Variants in SPOCK3 observed in about 807,000 individuals in gnomAD.
The protein encoded by SPOCK3 is testican-3.
In SPOCK3, 30 loss-of-function variants were observed where a neutral mutation model predicts 56.6. That is an observed-to-expected ratio of 0.53 (90% CI 0.40 to 0.72). The LOEUF (loss-of-function observed/expected upper bound fraction) is 0.72. SPOCK3 is among the 30% of genes least tolerant of loss of function. The pLI is 0.00. For synonymous variants in SPOCK3, 196 were observed against 183.3 expected (o/e 1.07, Z -0.56); for missense variants, 527 against 530.0 (o/e 0.99, Z 0.06).
intron 6 of SPOCK3, among the ~76,000 whole-genome samples, chr4:166,852,311 A>G (rs1730209701): frequency 6.6e-6 from 1 of 152,032 alleles, no homozygotes; most frequent in Non-Finnish European, 1.5e-5. Flanking sequence ...AATAATAATA[A>G]TAATTAAAAA....
chr4:166,947,918 T>C (rs1003331654), intron 4 of SPOCK3, among the ~76,000 whole-genome samples: 3 of 152,192 alleles, frequency 2.0e-5, no homozygotes, highest in African/African-American at 7.2e-5. Context: ...ATATACATTA[T>C]TGTTAACTGT....
chr4:166,925,021 G>T (rs1188853211), intron 4 of SPOCK3, among the ~76,000 whole-genome samples: 1 of 152,104 alleles, frequency 6.6e-6, no homozygotes, highest in Non-Finnish European at 1.5e-5. Flanking sequence ...ATATAACTTT[G>T]TAGTAATCTT....
chr4:167,207,478 G>A (rs1013811867), intron 2 of SPOCK3, among the ~76,000 whole-genome samples: 1 of 152,070 alleles, frequency 6.6e-6, no homozygotes, highest in Non-Finnish European at 1.5e-5. Flanking sequence ...TGTATTTGGT[G>A]TAAAATCACT....
intron 6 of SPOCK3, among the ~76,000 whole-genome samples, chr4:166,835,029 A>G (rs1315422695): frequency 6.6e-6 from 1 of 152,022 alleles, no homozygotes. Context: ...AAAAATCTGA[A>G]TTTGCAAAGT....
chr4:167,128,164 T>A (rs892091723), intron 2 of SPOCK3, among the ~76,000 whole-genome samples: 1 of 152,160 alleles, frequency 6.6e-6, no homozygotes, highest in African/African-American at 2.4e-5. Flanking sequence ...TAGATAGACC[T>A]TCTCACTTTT....
chr4:166,894,788 C>T (rs548306928), intron 5 of SPOCK3, among the ~76,000 whole-genome samples: 1 of 152,246 alleles, frequency 6.6e-6, no homozygotes, highest in African/African-American at 2.4e-5. Context: ...GTACTATATC[C>T]TCTGGACCAG....
intron 8 of SPOCK3, among the ~76,000 whole-genome samples, chr4:166,743,527 G>C (rs891984004): frequency 6.6e-6 from 1 of 152,118 alleles, no homozygotes; most frequent in African/African-American, 2.4e-5. Flanking sequence ...CCAGTCTATA[G>C]CTCCTAGTGT....
At chr4:167,180,774 T>C (rs1441626749) in intron 2 of SPOCK3, among the ~76,000 whole-genome samples, 1 of 152,130 alleles carries the variant, frequency 6.6e-6, no homozygotes, top group East Asian at 1.9e-4. Context: ...CAGGAAGACA[T>C]GGCCAAACAT....
chr4:167,152,072 T>C (rs1764471604), intron 2 of SPOCK3, among the ~76,000 whole-genome samples: 2 of 152,154 alleles, frequency 1.3e-5, no homozygotes, highest in South Asian at 4.1e-4. Context: ...GGCAAATTAA[T>C]AAAGAGAAAC....
Position 166,735,031 on chromosome 4 carries a change from C to T in SPOCK3, c.1192G>A (p.Asp398Asn). The part of the protein sequence containing the change: ...ASGDFHEWTD[D>N]EDDEDDIMND... ...ATAATATCGTCTTCATCATCCTCAT[C>T]ATCAGTCCATTCATGAAAATCGCCA... Residue 398 changes from aspartate to asparagine, a missense_variant, in exon 11 of 11, where the codon GAT becomes AAT. By Grantham distance (23) the Asp-to-Asn change is conservative (BLOSUM62 1). Transcript: ENST00000357545. The T allele has an allele frequency of 1.3e-6, 2 of 1,589,608 alleles. No homozygotes were observed. The highest frequency in any genetic ancestry group is 1.1e-5 in the South Asian group (1 of 90,122).
At chr4:166,976,921 TC>T (rs1746012863) in intron 4 of SPOCK3, among the ~76,000 whole-genome samples, 1 of 151,672 alleles carries the variant, frequency 6.6e-6, no homozygotes, top group Admixed American at 6.6e-5. Context: ...ACCATTTGAT[TC>T]TTTTTAATAA....
At chr4:166,884,097 G>A (rs1372732851) in intron 6 of SPOCK3, among the ~76,000 whole-genome samples, 1 of 152,258 alleles carries the variant, frequency 6.6e-6, no homozygotes, top group Middle Eastern at 3.4e-3. Context: ...ATGGCTAGTA[G>A]CTATGAAAGA....
At chr4:167,139,264 T>C (rs974530573) in intron 2 of SPOCK3, among the ~76,000 whole-genome samples, 1 of 152,006 alleles carries the variant, frequency 6.6e-6, no homozygotes. Flanking sequence ...CAGAAGGCAC[T>C]TAGAAAATAA....
At chr4:166,845,205 A>G (rs1747932791) in intron 6 of SPOCK3, among the ~76,000 whole-genome samples, 1 of 152,230 alleles carries the variant, frequency 6.6e-6, no homozygotes, top group Non-Finnish European at 1.5e-5. Flanking sequence ...ACAAGAAATC[A>G]TATTTTATAA....
chr4:167,208,520 C>T (rs547700028), intron 2 of SPOCK3, among the ~76,000 whole-genome samples: 7 of 151,850 alleles, frequency 4.6e-5, no homozygotes, highest in Non-Finnish European at 8.8e-5. Flanking sequence ...CAGGCCAAAT[C>T]TAAGACTTAC....
chr4:166,786,160 C>T (rs1430982518), intron 7 of SPOCK3, among the ~76,000 whole-genome samples: 1 of 152,030 alleles, frequency 6.6e-6, no homozygotes, highest in Non-Finnish European at 1.5e-5. Context: ...AATGTTTGGG[C>T]AACGAGCTGG....
intron 2 of SPOCK3, among the ~76,000 whole-genome samples, chr4:167,106,499 A>G (rs955429641): frequency 2.6e-5 from 4 of 151,830 alleles, no homozygotes; most frequent in African/African-American, 4.8e-5. Flanking sequence ...TACTAAGAGG[A>G]AAGTTTATAA....
intron 6 of SPOCK3, among the ~76,000 whole-genome samples, chr4:166,846,108 G>C (rs1266418947): frequency 6.6e-6 from 1 of 152,074 alleles, no homozygotes; most frequent in Non-Finnish European, 1.5e-5. Flanking sequence ...TAGGAAATAA[G>C]AATATTTCAG....
chr4:166,865,940 C>T (rs557299027), intron 6 of SPOCK3, among the ~76,000 whole-genome samples: 40 of 152,228 alleles, frequency 2.6e-4, no homozygotes, highest in Non-Finnish European at 4.6e-4. Flanking sequence ...CTTTAAATTT[C>T]ATATGGAACT....
Sources: allele counts gnomAD v4.1 joint callset (sites outside exome capture counted in the v4.1 genomes callset), GRCh38; gene constraint gnomAD v4.1.1; transcripts MANE v1.5; gene names NCBI Gene and HGNC (gene_info 2026-07-23, HGNC 2026-07-21).